Variants in C12orf56 observed in about 807,000 individuals in gnomAD.
The protein encoded by C12orf56 is uncharacterized protein C12orf56.
A neutral mutation model predicts 69.9 loss-of-function variants in C12orf56; 71 were observed. That is an observed-to-expected ratio of 1.02 (90% CI 0.84 to 1.24). The LOEUF is 1.24. C12orf56 is among the 50% of genes most tolerant of loss of function. C12orf56 has a pLI of 0.00. For synonymous variants in C12orf56, 276 were observed against 274.1 expected, an observed-to-expected ratio of 1.01 and a Z score of -0.07; for missense variants, 732 against 738.5, an observed-to-expected ratio of 0.99 and a Z score of 0.10.
chr12:64,267,079 G>T lies in C12orf56; in HGVS notation c.*104C>A. 2.5e-6 allele frequency: 2 copies of T among 791,714 alleles called. No homozygotes were observed. Among genetic ancestry groups the T allele is most frequent in the South Asian group, 2.0e-5 (1 of 51,028 alleles). The allele number at this position is 791,714 out of a possible 1,614,324, so 49.0% of individuals were successfully genotyped here. On this transcript the variant is annotated 3_prime_UTR_variant, in exon 13 of 13. Coordinates refer to ENST00000543942, the MANE Select transcript of C12orf56 (RefSeq NM_001170633.2). ...AAAATCTTTGTTTATAGGACTCAGAGATAGCCAGATATTAAACAAATAAAA... is the reference window on the plus strand; with the variant it reads ...AAAATCTTTGTTTATAGGACTCAGATATAGCCAGATATTAAACAAATAAAA...
intron 2 of C12orf56, among the ~76,000 whole-genome samples, chr12:64,343,479 G>A (rs563257538): frequency 6.6e-6 from 1 of 152,186 alleles, no homozygotes; most frequent in Non-Finnish European, 1.5e-5. Flanking sequence ...GCTAGCTGAA[G>A]ACAAATTACT....
At chr12:64,336,566 G>A (rs2038999520) in intron 2 of C12orf56, among the ~76,000 whole-genome samples, 1 of 152,146 alleles carries the variant, frequency 6.6e-6, no homozygotes, top group Non-Finnish European at 1.5e-5. Flanking sequence ...CCTAATTAGT[G>A]TGACAGGAGA....
chr12:64,284,725 C>T lies in C12orf56; in HGVS notation c.1249G>A (p.Val417Ile). The T allele has an allele frequency of 6.2e-7, 1 of 1,610,066 alleles. No homozygotes were observed. Among genetic ancestry groups the T allele is most frequent in the East Asian group, 2.2e-5 (1 of 44,820 alleles). ...GTTTCTGTTTCTCTGAACATCAATA[C>T]TAGGGTCTGTATAATTTCAATGCAT... ...VACIEIIQTLVLMFRETETES... is the reference protein window; with the variant it reads ...VACIEIIQTLILMFRETETES... Residue 417 changes from valine (V) to isoleucine (I), a missense_variant, in exon 8 of 13, where the codon GTA (valine) becomes ATA (isoleucine). Coordinates refer to ENST00000543942, the MANE Select transcript of C12orf56 (RefSeq NM_001170633.2).
In C12orf56 at chr12:64,267,162, C is replaced by T. The variant is rs2037927331; in HGVS notation, c.*21G>A. ...GATTAACATTTTATACTCTTATTAA[C>T]ATTGCGTACATTGTTTGTTTCTATT... On this transcript the variant is annotated 3_prime_UTR_variant, in exon 13 of 13. Coordinates refer to ENST00000543942, the MANE Select transcript of C12orf56 (RefSeq NM_001170633.2). The T allele has an allele frequency of 6.7e-7, 1 of 1,498,620 alleles. No homozygotes were observed. Among genetic ancestry groups the T allele is most frequent in the Non-Finnish European group, 9.2e-7 (1 of 1,089,834 alleles). 92.8% of individuals were successfully genotyped at this position (1,498,620 alleles called of 1,614,324 possible).
chr12:64,325,862 C>T (rs1281869375), intron 3 of C12orf56, among the ~76,000 whole-genome samples: 1 of 152,138 alleles, frequency 6.6e-6, no homozygotes. Context: ...AATGAATTCC[C>T]TAATCTCCCC....
chr12:64,306,419 G>GTT (rs776815643), intron 5 of C12orf56, among the ~76,000 whole-genome samples: 17 of 132,878 alleles, frequency 1.3e-4, no homozygotes, highest in Admixed American at 1.5e-4. Context: ...GGAAGGTTTT[G>GTT]TTTTTTTTTT....
chr12:64,271,629 C>T (rs550391058), intron 11 of C12orf56, among the ~76,000 whole-genome samples: 6 of 152,260 alleles, frequency 3.9e-5, no homozygotes, highest in African/African-American at 2.4e-5. Context: ...CCCTTCCCTA[C>T]AGGTAGGGCA....
At chr12:64,328,487 T>C (rs2038873633) in intron 3 of C12orf56, among the ~76,000 whole-genome samples, 1 of 151,816 alleles carries the variant, frequency 6.6e-6, no homozygotes, top group South Asian at 2.1e-4. Context: ...GAGACCTGCC[T>C]GGCCAACATG....
intron 1 of C12orf56, among the ~76,000 whole-genome samples, chr12:64,365,272 C>CA (rs2039450120): frequency 6.7e-6 from 1 of 148,722 alleles, no homozygotes; most frequent in South Asian, 2.1e-4. Flanking sequence ...TCAAGTGATT[C>CA]TCCTGCTTCA....
rs866055963 is a variant in C12orf56 at position 64,308,971 on chromosome 12, G to A, written c.968+3708C>T. Among the ~76,000 whole-genome samples the A allele has an allele frequency of 3.9e-3, 223 of 56,686 alleles. 4 individuals are homozygous for A. The highest frequency in any genetic ancestry group is 6.4e-3 in the African/African-American group (91 of 14,314). 37.2% of individuals were successfully genotyped at this position (56,686 alleles called of 152,430 possible). A position where few individuals can be genotyped will look rare whatever the true frequency, so the allele number is the denominator to read the frequency against. On this transcript the variant is annotated intron_variant, in intron 5 of 12. Coordinates refer to ENST00000543942, the MANE Select transcript of C12orf56 (RefSeq NM_001170633.2). ...AGAAAGAAAGAAAGAAAGAAAGAAA[G>A]AAAAGAAAGAAAGAAAAGAAAGAAG... is the stretch of plus-strand genomic sequence containing the variant.
intron 1 of C12orf56, among the ~76,000 whole-genome samples, chr12:64,372,962 G>A (rs979189882): frequency 6.6e-6 from 1 of 152,052 alleles, no homozygotes; most frequent in Admixed American, 6.6e-5. Context: ...TTACTTCCTC[G>A]ATGAAACTTT....
At chr12:64,308,117 G>A (rs191195974) in intron 5 of C12orf56, among the ~76,000 whole-genome samples, 125 of 151,454 alleles carry the variant, frequency 8.3e-4, no homozygotes, top group African/African-American at 2.9e-3. Flanking sequence ...TTAGGATTTC[G>A]AGACCAGCCT....
intron 2 of C12orf56, among the ~76,000 whole-genome samples, chr12:64,351,914 C>T (rs1352372877): frequency 1.3e-5 from 2 of 151,342 alleles, no homozygotes; most frequent in Non-Finnish European, 2.9e-5. Context: ...TCTCTGTCCT[C>T]GCTTCACAGA....
chr12:64,267,518 TGACATGTG>T (rs1565730592), intron 12 of C12orf56: 6 of 533,534 alleles, frequency 1.1e-5, no homozygotes, highest in Non-Finnish European at 2.0e-5. Context: ...AGAAAATCTC[TGACATGTG>T]GACTGTCCTC....
chr12:64,278,441 C>A (rs761683049), intron 8 of C12orf56, among the ~76,000 whole-genome samples: 3 of 151,962 alleles, frequency 2.0e-5, no homozygotes, highest in Non-Finnish European at 4.4e-5. Flanking sequence ...GCTTGAGCGA[C>A]CACTTTCAGT....
At chr12:64,374,490 A>C (rs2039614756) in intron 1 of C12orf56, among the ~76,000 whole-genome samples, 1 of 152,274 alleles carries the variant, frequency 6.6e-6, no homozygotes, top group Admixed American at 6.5e-5. Context: ...TTATATTTGC[A>C]ACTGATATTA....
At chr12:64,281,369 G>C (rs2038125026) in intron 8 of C12orf56, among the ~76,000 whole-genome samples, 1 of 151,968 alleles carries the variant, frequency 6.6e-6, no homozygotes, top group Non-Finnish European at 1.5e-5. Flanking sequence ...TCAGGAGTTC[G>C]AGACCAGTCT....
At chr12:64,371,863 C>G (rs2039574893) in intron 1 of C12orf56, among the ~76,000 whole-genome samples, 2 of 150,222 alleles carry the variant, frequency 1.3e-5, no homozygotes, top group Admixed American at 6.7e-5. Context: ...AAAGAAAATA[C>G]AGGGGGAAAG....
chr12:64,311,978 T>C (rs2038622813), intron 5 of C12orf56, among the ~76,000 whole-genome samples: 1 of 152,114 alleles, frequency 6.6e-6, no homozygotes, highest in Non-Finnish European at 1.5e-5. Flanking sequence ...GTGGATGTTA[T>C]CCAGAGATAG....
Sources: gnomAD v4.1 joint callset for allele counts (sites outside exome capture counted in the v4.1 genomes callset) on GRCh38, gnomAD v4.1.1 for gene constraint, MANE v1.5 for transcripts, NCBI Gene and HGNC (gene_info 2026-07-23, HGNC 2026-07-21) for gene names.